GGNBP2: variants seen among roughly 807,000 people sequenced by gnomAD.
GGNBP2 encodes the protein gametogenetin binding protein 2, also known as gametogenetin-binding protein 2.
A neutral mutation model predicts 85.9 loss-of-function variants in GGNBP2; 10 were observed. That is an observed-to-expected ratio of 0.12 (90% CI 0.07 to 0.20). The LOEUF is 0.20. Among genes scored for constraint, GGNBP2 ranks in the 10% least tolerant of loss-of-function variants. The pLI is 1.00. For missense variants in GGNBP2, 595 were observed against 857.8 expected (o/e 0.69, Z 3.83); for synonymous variants, 287 against 285.7 (o/e 1.00, Z -0.05).
intron 2 of GGNBP2, among the ~76,000 whole-genome samples, chr17:36,551,734 T>C (rs567280752): frequency 3.0e-4 from 45 of 151,720 alleles, no homozygotes; most frequent in African/African-American, 1.1e-3. Flanking sequence ...CCCAGCTACT[T>C]GGGAGAATTG....
At chr17:36,578,402 A>G in intron 7 of GGNBP2, 1 of 457,504 alleles carries the variant, frequency 2.2e-6, no homozygotes, top group Non-Finnish European at 3.8e-6. Flanking sequence ...GTCCTCTGCT[A>G]GTTCTTGCTT....
intron 2 of GGNBP2, among the ~76,000 whole-genome samples, chr17:36,552,733 G>A (rs2074322283): frequency 1.3e-5 from 2 of 152,134 alleles, no homozygotes; most frequent in Non-Finnish European, 2.9e-5. Flanking sequence ...AAAAGCTATT[G>A]AAATGGGTCA....
intron 5 of GGNBP2, among the ~76,000 whole-genome samples, chr17:36,562,953 C>CAAAAAAA (rs34799358): frequency 2.5e-5 from 1 of 40,516 alleles, no homozygotes; most frequent in Non-Finnish European, 4.0e-5. Context: ...GACTCTGTCT[C>CAAAAAAA]AAAAAAAAAA....
chr17:36,546,495 A>G (rs2074256765), intron 2 of GGNBP2: 1 of 152,176 alleles, frequency 6.6e-6, no homozygotes, highest in Non-Finnish European at 1.5e-5. Context: ...GTACTATAAA[A>G]AGCTGATTGC....
At chr17:36,579,040 C>T (rs764094906) in intron 7 of GGNBP2, 8 of 520,894 alleles carry the variant, frequency 1.5e-5, no homozygotes, top group Admixed American at 3.4e-5. Context: ...TTTAGCAATA[C>T]GAGGACTAAA....
rs1378966626 is a variant in GGNBP2 at position 36,589,527 on chromosome 17, ATTCT to A, written c.*122_*125del. On this transcript the variant is annotated 3_prime_UTR_variant, in exon 14 of 14. Transcript: ENST00000613102. The stretch of plus-strand genomic sequence containing the variant: ...CAAAATTTTATCTTAAATCAATGTG[ATTCT>A]TTCTTGTTTTGGGAGACGGTGGAGG... 1.6e-5 allele frequency: 12 copies of A among 731,588 alleles called. No individual in the cohort carries two copies. Among genetic ancestry groups the A allele is most frequent in the East Asian group, 5.2e-5 (2 of 38,338 alleles). 45.3% of individuals were successfully genotyped at this position (731,588 alleles called of 1,614,324 possible). A position where few individuals can be genotyped will look rare whatever the true frequency, so the allele number is the denominator to read the frequency against.
In GGNBP2 at chr17:36,549,608, G is replaced by GACAC. The variant is rs201257631; in HGVS notation, c.93+3795_93+3798dup. Among the ~76,000 whole-genome samples the GACAC allele has an allele frequency of 5.5e-5, 7 of 126,884 alleles. No individual in the cohort carries two copies. In the South Asian group the frequency reaches 1.5e-3, roughly 27 times the overall value. 83.2% of individuals were successfully genotyped at this position (126,884 alleles called of 152,430 possible). On this transcript the variant is annotated intron_variant, in intron 2 of 13. Coordinates refer to ENST00000613102, the MANE Select transcript of GGNBP2 (RefSeq NM_024835.5). ...CACATTTGGTGTAATTTCAGTCCTAGACACACAGATACAGTTAATATATTC... is the reference window on the plus strand; with the variant it reads ...CACATTTGGTGTAATTTCAGTCCTAGACACACACACAGATACAGTTAATATATTC...
intron 6 of GGNBP2, among the ~76,000 whole-genome samples, chr17:36,573,305 G>T (rs993645598): frequency 2.0e-5 from 3 of 152,006 alleles, no homozygotes; most frequent in Non-Finnish European, 2.9e-5. Context: ...TAGAGACAGG[G>T]TTTCACCTTG....
intron 8 of GGNBP2, among the ~76,000 whole-genome samples, chr17:36,579,906 A>C (rs1348536315): frequency 6.6e-6 from 1 of 152,052 alleles, no homozygotes; most frequent in African/African-American, 2.4e-5. Context: ...GCTACTTGGG[A>C]GGCTGAGACA....
intron 9 of GGNBP2, 25 bp from the exon 10 acceptor site, chr17:36,585,273 ACT>A (rs1400281444): frequency 5.0e-6 from 8 of 1,595,100 alleles, no homozygotes; most frequent in Admixed American, 1.8e-5. Flanking sequence ...AAAGCTCTTG[ACT>A]CTCTCTTAAT....
chr17:36,578,531 A>T (rs1279944871), intron 7 of GGNBP2: 5 of 217,470 alleles, frequency 2.3e-5, no homozygotes, highest in Non-Finnish European at 4.5e-5. Flanking sequence ...TTTATTCACA[A>T]TAATGGTTTT....
chr17:36,573,086 G>A (rs993171886), intron 6 of GGNBP2, among the ~76,000 whole-genome samples: 4 of 152,046 alleles, frequency 2.6e-5, no homozygotes, highest in African/African-American at 7.2e-5. Context: ...AATGGGCAGT[G>A]TCATAGTATA....
chr17:36,574,202 T>A (rs1555607303), intron 6 of GGNBP2, among the ~76,000 whole-genome samples: 3 of 152,162 alleles, frequency 2.0e-5, no homozygotes, highest in Non-Finnish European at 4.4e-5. Flanking sequence ...TAATGGAGCA[T>A]ACTGCGTTGC....
intron 13 of GGNBP2, among the ~76,000 whole-genome samples, chr17:36,588,140 C>T (rs978923615): frequency 2.6e-4 from 39 of 152,172 alleles, no homozygotes; most frequent in Non-Finnish European, 4.4e-4. Flanking sequence ...GACTTTTTAC[C>T]TGATCCCCAA....
intron 5 of GGNBP2, 112 bp downstream of exon 5, chr17:36,560,983 C>T (rs995854386): frequency 3.4e-6 from 2 of 594,054 alleles, no homozygotes; most frequent in Non-Finnish European, 2.9e-6. Context: ...ATTGGTTATA[C>T]TCTATGACAT....
At chr17:36,567,561 A>G (rs1169675655) in intron 5 of GGNBP2, 102 bp from the exon 6 acceptor site, 2 of 650,384 alleles carry the variant, frequency 3.1e-6, no homozygotes, top group Non-Finnish European at 5.5e-6. Flanking sequence ...TTTCCAGGGA[A>G]CAGCCAGGTA....
At chr17:36,587,563 C>A in intron 13 of GGNBP2, 1 of 277,646 alleles carries the variant, frequency 3.6e-6, no homozygotes, top group Non-Finnish European at 7.0e-6. Context: ...ATTCAACATC[C>A]CAATAAACCC....
At position 36,586,153 on chromosome 17, in the gene GGNBP2, T is replaced by C. The variant is rs374376985; in HGVS notation, c.1596T>C (p.Asn532=). The C allele has an allele frequency of 6.8e-6, 11 of 1,613,476 alleles. No individual in the cohort carries two copies. In the African/African-American group the frequency reaches 1.1e-4, roughly 16 times the overall value. The change falls in exon 12 of 14, where the codon AAT becomes AAC. Residue 532 remains asparagine, a synonymous_variant. Transcript: ENST00000613102. ...AAGAGAACGACACAAAAGGAAAAAA[T>C]AAAAAGAAGAAGAAGAAAAGCAAGA... ...NSEENDTKGK[N]KKKKKKSKIL... is the part of the protein sequence containing the mutation.
At chr17:36,554,347 C>T (rs373272656) in intron 2 of GGNBP2, among the ~76,000 whole-genome samples, 3 of 96,078 alleles carry the variant, frequency 3.1e-5, no homozygotes, top group East Asian at 3.3e-4. Context: ...GTCTTATGTA[C>T]TTGAATTTTT....
Sources: allele counts gnomAD v4.1 joint callset (sites outside exome capture counted in the v4.1 genomes callset), GRCh38; gene constraint gnomAD v4.1.1; transcripts MANE v1.5; gene names NCBI Gene and HGNC (gene_info 2026-07-23, HGNC 2026-07-21).